STK25: variants seen among roughly 807,000 people sequenced by gnomAD.
STK25 encodes the protein serine/threonine-protein kinase 25.
In STK25, 29 loss-of-function variants were observed where a neutral mutation model predicts 53.8. The ratio of observed to expected loss-of-function variants is 0.54; its 90% CI spans 0.40 to 0.74. The LOEUF (loss-of-function observed/expected upper bound fraction) is 0.74, where lower values mean the gene tolerates loss of function less well. STK25 is among the 30% of genes least tolerant of loss of function. The probability of loss-of-function intolerance (pLI) is 0.00; values close to 1 mark genes in which losing one functional copy is unlikely to be tolerated. For missense variants in STK25, 420 were observed against 568.0 expected, an observed-to-expected ratio of 0.74 and a Z score of 2.65; for synonymous variants, 247 against 238.3, an observed-to-expected ratio of 1.04 and a Z score of -0.33.
At chr2:241,508,852 C>G (rs1234985301), upstream of STK25, among the ~76,000 whole-genome samples, 1 of 152,186 alleles carries the variant, frequency 6.6e-6, no homozygotes, top group Non-Finnish European at 1.5e-5. Context: ...CGCGTCGCGC[C>G]CTCCCTGCCT....
At position 241,493,363 on chromosome 2, in the gene STK25, T is replaced by C; in HGVS notation, c.*2299A>G. On this transcript the variant is annotated 3_prime_UTR_variant, in exon 12 of 12. Transcript: ENST00000316586. ...AGCATCCCCAGGGAGGCCGATGGCA[T>C]ACACAAAGACTATGTTTTCAAGCTC... 1 of 1,614,030 alleles carries C rather than the reference T, an allele frequency of 6.2e-7. No individual in the cohort carries two copies. Among genetic ancestry groups the C allele is most frequent in the Non-Finnish European group, 8.5e-7 (1 of 1,179,986 alleles).
At chr2:241,502,512 T>C (rs1055044801) in intron 2 of STK25, among the ~76,000 whole-genome samples, 1 of 152,030 alleles carries the variant, frequency 6.6e-6, no homozygotes, top group Non-Finnish European at 1.5e-5. Flanking sequence ...CCAAGGCGGG[T>C]TGATCACCTG....
upstream of STK25, chr2:241,508,673 G>A (rs2066007520): frequency 1.0e-6 from 1 of 985,834 alleles, no homozygotes; most frequent in Non-Finnish European, 1.2e-6. Flanking sequence ...TCCGGGCCCG[G>A]AAGCCTGCTG....
chr2:241,499,455 C>T (rs1377674467), intron 5 of STK25, 41 bp from the exon 6 acceptor site: 8 of 1,598,606 alleles, frequency 5.0e-6, no homozygotes, highest in Middle Eastern at 3.3e-4. Flanking sequence ...CCAGGCTCCA[C>T]GTGGCTCCAC....
chr2:241,501,787 G>GGGA lies in STK25; in HGVS notation c.31-82_31-80dup. 9.4e-7 allele frequency: 1 copy of GGGA among 1,066,474 alleles called. No homozygotes were observed. The highest frequency in any genetic ancestry group is 2.1e-4 in the Middle Eastern group (1 of 4,688). 66.1% of individuals were successfully genotyped at this position (1,066,474 alleles called of 1,614,324 possible). A position where few individuals can be genotyped will look rare whatever the true frequency, so the allele number is the denominator to read the frequency against. ...GGGACAGGCAGAGGCTGCCCTGCTG[G>GGGA]GGAGGAAGGGACCTGTAGGGAAGGG... On this transcript the variant is annotated intron_variant, in intron 2 of 11. Coordinates refer to ENST00000316586, the MANE Select transcript of STK25 (RefSeq NM_001271977.2). The surrounding 1 kb of genome is among the most constrained non-coding windows in gnomAD (Gnocchi z 5.3).
In STK25 at chr2:241,499,364, C is replaced by T. The variant is rs745383015; in HGVS notation, c.478G>A (p.Gly160Arg). Residue 160 changes from glycine (G) to arginine (R), a missense_variant, in exon 6 of 12, where the codon GGG (glycine) becomes AGG (arginine). By Grantham distance (125) the Gly-to-Arg change is moderately radical. Coordinates refer to ENST00000316586, the MANE Select transcript of STK25 (RefSeq NM_001271977.2). ...GTGTCTGTGAGCTGCCCTGCTACCC[C>T]AAAGTCCGCCAGCTTCACGTCACCC... ...EQGDVKLADFGVAGQLTDTQI... is the reference protein window; with the variant it reads ...EQGDVKLADFRVAGQLTDTQI... 6.2e-7 allele frequency: 1 copy of T among 1,613,764 alleles called. No individual in the cohort carries two copies. The highest frequency in any genetic ancestry group is 8.5e-7 in the Non-Finnish European group (1 of 1,179,924).
intron 2 of STK25, among the ~76,000 whole-genome samples, chr2:241,505,501 G>C (rs918430535): frequency 3.9e-5 from 6 of 152,074 alleles, no homozygotes; most frequent in Non-Finnish European, 8.8e-5. Flanking sequence ...CCACCCCTCC[G>C]ACTCTTCAGG....
chr2:241,493,844 G>A lies in STK25; in HGVS notation c.*1818C>T. The A allele has an allele frequency of 1.9e-6, 1 of 540,414 alleles. No individual in the cohort carries two copies. The highest frequency in any genetic ancestry group is 3.6e-5 in the South Asian group (1 of 27,614). The allele number at this position is 540,414 out of a possible 1,614,324, so 33.5% of individuals were successfully genotyped here. On this transcript the variant is annotated 3_prime_UTR_variant, in exon 12 of 12. Transcript: ENST00000316586. Reference sequence around the variant, plus strand: ...ACTCCTGACCTCAAGTGATCCATCTGCCTCAGCCTCCCAAAGTGCTGGGAT... The same window carrying A: ...ACTCCTGACCTCAAGTGATCCATCTACCTCAGCCTCCCAAAGTGCTGGGAT...
At chr2:241,500,610 T>C in intron 4 of STK25, 130 bp downstream of exon 4, 1 of 1,013,462 alleles carries the variant, frequency 9.9e-7, no homozygotes, top group Non-Finnish European at 1.5e-6. Context: ...CATTTTTGCT[T>C]TAGACGATTC....
At chr2:241,498,534 A>T (rs1392519502) in intron 8 of STK25, 105 bp downstream of exon 8, 78 of 1,432,000 alleles carry the variant, frequency 5.4e-5, no homozygotes, top group Non-Finnish European at 7.3e-5. Flanking sequence ...GCCCAACACT[A>T]TATCTGGTCA....
At chr2:241,507,973 G>A (rs771198829) in intron 2 of STK25, 33 bp downstream of exon 2, 21 of 1,562,910 alleles carry the variant, frequency 1.3e-5, no homozygotes, top group Non-Finnish European at 1.6e-5. Flanking sequence ...TCGGTGAGAG[G>A]CCGCTAGTCT....
rs2065289482 is a variant in STK25, at chr2:241,498,242, G to C, written c.1025C>G (p.Ser342Ter). The C allele has an allele frequency of 1.9e-6, 3 of 1,613,326 alleles. No homozygotes were observed. Among genetic ancestry groups the C allele is most frequent in the Non-Finnish European group, 2.5e-6 (3 of 1,179,562 alleles). ...KLHKGTALHS[S>*]QKPAEPVKRQ... ...GCCAGGCCAGGAACAGACCTTCTGTGAACTGTGCAGGGCCGTCCCCTTGTG... is the reference window on the plus strand; with the variant it reads ...GCCAGGCCAGGAACAGACCTTCTGTCAACTGTGCAGGGCCGTCCCCTTGTG... Residue 342 changes from serine (S) to a stop codon, truncating the protein, a stop_gained, in exon 9 of 12, where the codon TCA becomes TGA. Transcript: ENST00000316586. LOFTEE classifies it high-confidence loss of function.
chr2:241,505,339 C>T (rs2065760904), intron 2 of STK25, among the ~76,000 whole-genome samples: 1 of 152,134 alleles, frequency 6.6e-6, no homozygotes. Context: ...CCTGCCCAAG[C>T]ACCCGGAAAG....
At chr2:241,498,380 T>C (rs757847647) in intron 8 of STK25, 31 bp from the exon 9 acceptor site, 1 of 1,541,390 alleles carries the variant, frequency 6.5e-7, no homozygotes, top group African/African-American at 1.4e-5. Context: ...CCAGGGCCAG[T>C]GGGGAGAGGG....
intron 2 of STK25, among the ~76,000 whole-genome samples, chr2:241,503,291 C>G (rs1315521848): frequency 6.6e-6 from 1 of 152,046 alleles, no homozygotes; most frequent in East Asian, 2.0e-4. Context: ...TCTCGAACTC[C>G]TGACTTCAGG....
chr2:241,501,746 C>A lies in STK25; in HGVS notation c.31-38G>T. The stretch of plus-strand genomic sequence containing the variant: ...GGCGGGGACAGAGGGCAGACAGCGC[C>A]GGTCACAAGAGGCGGGGGACAGGCA... On this transcript the variant is annotated intron_variant, in intron 2 of 11. Transcript: ENST00000316586. This position sits in a 1 kb window ranked among gnomAD's most constrained non-coding sequence, Gnocchi z 5.3. The A allele has an allele frequency of 1.9e-6, 3 of 1,545,684 alleles. No individual in the cohort carries two copies. The South Asian group carries it at 3.4e-5, about 18-fold the overall frequency.
At chr2:241,497,808 A>G (rs1283466319) in intron 9 of STK25, 121 bp from the exon 10 acceptor site, 2 of 1,016,472 alleles carry the variant, frequency 2.0e-6, no homozygotes, top group African/African-American at 3.2e-5. Context: ...GTCGGGGCAC[A>G]TGTCCAGGGC....
Position 241,501,958 on chromosome 2 carries a change from A to T in STK25, c.31-250T>A. ...CGAGGCAGGTGGATCACTTGAGGTCAGGAGTTCGAGACCAGCCTGGCCAGC... is the reference window on the plus strand; with the variant it reads ...CGAGGCAGGTGGATCACTTGAGGTCTGGAGTTCGAGACCAGCCTGGCCAGC... On this transcript the variant is annotated intron_variant, in intron 2 of 11. Coordinates refer to ENST00000316586, the MANE Select transcript of STK25 (RefSeq NM_001271977.2). The surrounding 1 kb of genome is among the most constrained non-coding windows in gnomAD (Gnocchi z 5.3). The T allele has an allele frequency of 2.4e-6, 1 of 424,398 alleles. No homozygotes were observed. Among genetic ancestry groups the T allele is most frequent in the South Asian group, 2.3e-5 (1 of 43,640 alleles). 26.3% of individuals were successfully genotyped at this position (424,398 alleles called of 1,614,324 possible). A position where few individuals can be genotyped will look rare whatever the true frequency, so the allele number is the denominator to read the frequency against.
At chr2:241,499,495 C>A in intron 5 of STK25, 81 bp from the exon 6 acceptor site, 1 of 1,516,470 alleles carries the variant, frequency 6.6e-7, no homozygotes, top group East Asian at 2.4e-5. Context: ...GCCAGGGTAC[C>A]ATCCACCTGG....
Sources: gnomAD v4.1 joint callset for allele counts (sites outside exome capture counted in the v4.1 genomes callset) on GRCh38, gnomAD v4.1.1 for gene constraint, Gnocchi (gnomAD v3.1) non-coding constraint, MANE v1.5 for transcripts, NCBI Gene and HGNC (gene_info 2026-07-23, HGNC 2026-07-21) for gene names.